The following ROS1 variants were observed in gnomAD, a reference collection of about 807,000 sequenced individuals.
The protein encoded by ROS1 is ROS proto-oncogene 1, receptor tyrosine kinase.
A neutral mutation model predicts 273.5 loss-of-function variants in ROS1; 263 were observed. The observed-to-expected ratio is 0.96, with a 90% CI of 0.87 to 1.06. ROS1 has a LOEUF of 1.06. ROS1 is among the 50% of genes least tolerant of loss of function. The probability of loss-of-function intolerance (pLI) is 0.00; values close to 1 mark genes in which losing one functional copy is unlikely to be tolerated. For synonymous variants in ROS1, 1,008 were observed against 954.1 expected (o/e 1.06, Z -1.04); for missense variants, 2,833 against 2,751.1 (o/e 1.03, Z -0.67).
At chr6:117,424,539 T>G (rs754800833) in intron 1 of ROS1, among the ~76,000 whole-genome samples, 1 of 152,014 alleles carries the variant, frequency 6.6e-6, no homozygotes, top group Non-Finnish European at 1.5e-5. Flanking sequence ...CTTCCATTTT[T>G]AAGTTTGGGT....
rs766922675 is a variant in ROS1, at chr6:117,416,214, G to A, written c.228+44C>T. The A allele has an allele frequency of 3.1e-5, 37 of 1,187,292 alleles. No homozygotes were observed. The South Asian group carries it at 4.4e-4, about 14-fold the overall frequency. 73.5% of individuals were successfully genotyped at this position (1,187,292 alleles called of 1,614,324 possible). ...AATCCTCTTACACAAATTTCCTCTT[G>A]AAAGAAACATCAGTATCAAAATAGA... On this transcript the variant is annotated intron_variant, in intron 3 of 43. Coordinates refer to ENST00000368507, the MANE Select transcript of ROS1 (RefSeq NM_001378902.1).
chr6:117,396,835 T>C, intron 8 of ROS1, 80 bp downstream of exon 8: 2 of 1,026,812 alleles, frequency 1.9e-6, no homozygotes, highest in East Asian at 2.4e-5. Context: ...TTTAAACTAT[T>C]TGATACCCAT....
Position 117,319,762 on chromosome 6 carries a change from T to A in ROS1, c.5922+106A>T, listed in dbSNP as rs893203291. 14 of 991,180 alleles carry A rather than the reference T, an allele frequency of 1.4e-5. No individual in the cohort carries two copies. In the African/African-American group the frequency reaches 2.1e-4, roughly 15 times the overall value. 61.4% of individuals were successfully genotyped at this position (991,180 alleles called of 1,614,324 possible). ...TGGATAGGCTTCGACATTCAACCAG[T>A]CCTCTTTTCAACAAAGAGCACTCAA... is the stretch of plus-strand genomic sequence containing the variant. On this transcript the variant is annotated intron_variant, in intron 37 of 43. Coordinates refer to ENST00000368507, the MANE Select transcript of ROS1 (RefSeq NM_001378902.1).
At chr6:117,323,424 A>G (rs1014707134) in intron 35 of ROS1, among the ~76,000 whole-genome samples, 1 of 152,104 alleles carries the variant, frequency 6.6e-6, no homozygotes, top group African/African-American at 2.4e-5. Flanking sequence ...CTTGTGAACA[A>G]AACAAGCCAC....
chr6:117,329,269 T>C (rs1464236045), intron 33 of ROS1, 60 bp downstream of exon 33: 2 of 790,584 alleles, frequency 2.5e-6, no homozygotes, highest in Non-Finnish European at 4.2e-6. Flanking sequence ...TACTTTTGAT[T>C]ACTTTATAAT....
rs530095270 is a variant in ROS1, at chr6:117,309,428, A to T, written c.6417-500T>A. Among the ~76,000 whole-genome samples the T allele has an allele frequency of 2.6e-5, 4 of 152,310 alleles. No individual in the cohort carries two copies. The South Asian group carries it at 8.3e-4, about 32-fold the overall frequency. On this transcript the variant is annotated intron_variant, in intron 41 of 43. Coordinates refer to ENST00000368507, the MANE Select transcript of ROS1 (RefSeq NM_001378902.1). Reference sequence around the variant, plus strand: ...CACACCAAAGGGTGAGCACAAAAACATTTCAGCATTTTCCTCCCAAGTTTG... The same window carrying T: ...CACACCAAAGGGTGAGCACAAAAACTTTTCAGCATTTTCCTCCCAAGTTTG...
At chr6:117,371,040 A>G (rs1211196978) in intron 18 of ROS1, among the ~76,000 whole-genome samples, 1 of 152,210 alleles carries the variant, frequency 6.6e-6, no homozygotes, top group African/African-American at 2.4e-5. Context: ...CTTTAAATGT[A>G]AAGACTCAGA....
In ROS1 at chr6:117,341,630, G is replaced by A; in HGVS notation, c.4654C>T (p.Pro1552Ser). Residue 1552 changes from proline to serine, a missense_variant and splice_region_variant, in exon 30 of 44, where the codon CCA (proline) becomes TCA (serine). Physicochemically the swap from Pro to Ser is moderately conservative, Grantham distance 74. Coordinates refer to ENST00000368507, the MANE Select transcript of ROS1 (RefSeq NM_001378902.1). ...EIWGKTKNGVPEAVQLINTTV... is the reference protein window; with the variant it reads ...EIWGKTKNGVSEAVQLINTTV... ...GTATTAATGAGCTGCACTGCCTCTG[G>A]TACTGAAATAAATAGCAAGGAATGA... 1 of 1,607,806 alleles carries A rather than the reference G, an allele frequency of 6.2e-7. No homozygotes were observed. Among genetic ancestry groups the A allele is most frequent in the African/African-American group, 1.3e-5 (1 of 74,894 alleles).
Position 117,366,237 on chromosome 6 carries a change from G to A in ROS1, c.2636C>T (p.Ser879Phe), listed in dbSNP as rs146570171. Residue 879 changes from serine (S) to phenylalanine (F), a missense_variant, in exon 19 of 44, where the codon TCC (serine) becomes TTC (phenylalanine). Transcript: ENST00000368507. ...EFAAWSTSEISQNALMYYSGR... is the reference protein window; with the variant it reads ...EFAAWSTSEIFQNALMYYSGR... ...ACTATAGTACATCAGTGCATTCTGG[G>A]AAATTTCAGAAGTACTCCAGGCTGC... 5 of 1,614,046 alleles carry A rather than the reference G, an allele frequency of 3.1e-6. No homozygotes were observed. The highest frequency in any genetic ancestry group is 4.2e-6 in the Non-Finnish European group (5 of 1,179,984).
chr6:117,341,704 T>C (rs758197182), intron 29 of ROS1, 72 bp from the exon 30 acceptor site: 63 of 1,161,634 alleles, frequency 5.4e-5, no homozygotes, highest in Non-Finnish European at 4.8e-5. Context: ...TAATGGAGTT[T>C]GGGTTGAAGA....
intron 7 of ROS1, among the ~76,000 whole-genome samples, chr6:117,400,502 A>C (rs189576328): frequency 6.6e-5 from 10 of 152,356 alleles, no homozygotes; most frequent in Admixed American, 2.0e-4. Context: ...ACAGCAGCTC[A>C]GATAAAGTTA....
At chr6:117,369,406 T>C (rs1689008942) in intron 18 of ROS1, among the ~76,000 whole-genome samples, 1 of 152,108 alleles carries the variant, frequency 6.6e-6, no homozygotes, top group African/African-American at 2.4e-5. Flanking sequence ...ACACCGTCTC[T>C]ACTAAAAAAT....
intron 32 of ROS1, among the ~76,000 whole-genome samples, chr6:117,336,142 A>G (rs1223917569): frequency 6.6e-6 from 1 of 151,996 alleles, no homozygotes; most frequent in African/African-American, 2.4e-5. Flanking sequence ...GTTTTGGAGC[A>G]TTTTCCCTCC....
chr6:117,378,457 C>T (rs1377887749), intron 18 of ROS1, among the ~76,000 whole-genome samples: 1 of 152,070 alleles, frequency 6.6e-6, no homozygotes, highest in Non-Finnish European at 1.5e-5. Flanking sequence ...GCAAGGGGCA[C>T]AGGAATTTTT....
rs373574456 is a variant in ROS1 at position 117,425,668 on chromosome 6, T to G, written c.-12A>C. 1 of 1,609,958 alleles carries G rather than the reference T, an allele frequency of 6.2e-7. No individual in the cohort carries two copies. The highest frequency in any genetic ancestry group is 1.3e-5 in the African/African-American group (1 of 74,762). ...TAAATGTTCTTCATCACTTCACCAA[T>G]GGCAGATTTTTAGATGGCCGGTCTA... On this transcript the variant is annotated 5_prime_UTR_variant, in exon 1 of 44. Transcript: ENST00000368507.
At position 117,412,963 on chromosome 6, in the gene ROS1, A is replaced by G. The variant is rs77713707; in HGVS notation, c.255+1556T>C. 2.7e-3 allele frequency among the ~76,000 whole-genome samples: 403 copies of G among 151,914 alleles called. 1 individual carries two copies. The highest frequency in any genetic ancestry group is 7.9e-3 in the South Asian group (38 of 4,806). ...GGATTTGCAGGCAATTTTTTTTTCTATCTCAATGAGGAGAGACCTTTGTCT... is the reference window on the plus strand; with the variant it reads ...GGATTTGCAGGCAATTTTTTTTTCTGTCTCAATGAGGAGAGACCTTTGTCT... On this transcript the variant is annotated intron_variant, in intron 4 of 43. Transcript: ENST00000368507.
chr6:117,344,177 A>T lies in ROS1; in HGVS notation c.4389T>A (p.Pro1463=). The change falls in exon 28 of 44, where the codon CCT becomes CCA. Residue 1463 remains proline, a synonymous_variant. Transcript: ENST00000368507. ...ATNTSLTIRL[P]LAKTNLTWYG... ...ACCATGTGAGGTTTGTCTTGGCCAG[A>T]GGTAATCTGATTGTGAGGCTAGTGT... 1 of 1,613,960 alleles carries T rather than the reference A, an allele frequency of 6.2e-7. No homozygotes were observed. The highest frequency in any genetic ancestry group is 8.5e-7 in the Non-Finnish European group (1 of 1,179,926).
chr6:117,352,546 T>C (rs975922143), intron 27 of ROS1, among the ~76,000 whole-genome samples: 10 of 152,156 alleles, frequency 6.6e-5, no homozygotes, highest in African/African-American at 2.4e-4. Context: ...ATTATAATAG[T>C]ATATATTAAT....
intron 27 of ROS1, among the ~76,000 whole-genome samples, chr6:117,350,585 T>C (rs1778747912): frequency 6.6e-6 from 1 of 151,962 alleles, no homozygotes; most frequent in African/African-American, 2.4e-5. Context: ...AAATATTTCT[T>C]CTGTTCCTTT....
Sources: allele counts gnomAD v4.1 joint callset (sites outside exome capture counted in the v4.1 genomes callset), GRCh38; gene constraint gnomAD v4.1.1; transcripts MANE v1.5; gene names NCBI Gene and HGNC (gene_info 2026-07-23, HGNC 2026-07-21).